Variants in CHRM3 observed in about 807,000 individuals in gnomAD.
The protein encoded by CHRM3 is cholinergic receptor muscarinic 3.
In CHRM3, 11 loss-of-function variants were observed where a neutral mutation model predicts 41.8. That is an observed-to-expected ratio of 0.26 (90% CI 0.17 to 0.44). The LOEUF (loss-of-function observed/expected upper bound fraction) is 0.44, where lower values mean the gene tolerates loss of function less well. Among genes scored for constraint, CHRM3 ranks in the 20% least tolerant of loss-of-function variants. CHRM3 has a pLI of 1.00. For missense variants in CHRM3, 571 were observed against 745.4 expected, an observed-to-expected ratio of 0.77 and a Z score of 2.72; for synonymous variants, 297 against 301.4, an observed-to-expected ratio of 0.99 and a Z score of 0.15.
At chr1:239,839,568 G>A (rs1244476411) in intron 6 of CHRM3, among the ~76,000 whole-genome samples, 2 of 152,160 alleles carry the variant, frequency 1.3e-5, no homozygotes, top group Non-Finnish European at 2.9e-5. Context: ...AGAGTGATTG[G>A]GTCAGAGACA....
rs1490688387 is a variant in CHRM3, at chr1:239,913,919, C to T, written c.*4695C>T. 6.0e-6 allele frequency: 1 copy of T among 166,934 alleles called. No homozygotes were observed. The highest frequency in any genetic ancestry group is 1.5e-5 in the Non-Finnish European group (1 of 68,094). 10.3% of individuals were successfully genotyped at this position (166,934 alleles called of 1,614,324 possible). Reference sequence around the variant, plus strand: ...AGGCCTATGTTTGTTCTGGTAGAACCACAGAGACTCACACAAAGTTCTGAC... The same window carrying T: ...AGGCCTATGTTTGTTCTGGTAGAACTACAGAGACTCACACAAAGTTCTGAC... On this transcript the variant is annotated 3_prime_UTR_variant, in exon 7 of 7. Coordinates refer to ENST00000676153, the MANE Select transcript of CHRM3 (RefSeq NM_001375978.1).
chr1:239,740,624 C>G (rs972363551), intron 5 of CHRM3, among the ~76,000 whole-genome samples: 1 of 152,220 alleles, frequency 6.6e-6, no homozygotes, highest in South Asian at 2.1e-4. Context: ...CCCCTTGCCC[C>G]TCACCCCCTG....
At chr1:239,863,838 G>A (rs533009738) in intron 6 of CHRM3, among the ~76,000 whole-genome samples, 1 of 152,122 alleles carries the variant, frequency 6.6e-6, no homozygotes, top group South Asian at 2.1e-4. Flanking sequence ...CAAACTCTTT[G>A]GTTTTTAAAA....
intron 2 of CHRM3, among the ~76,000 whole-genome samples, chr1:239,533,084 C>G (rs1558296869): frequency 6.6e-6 from 1 of 151,132 alleles, no homozygotes; most frequent in African/African-American, 2.4e-5. Context: ...AAGTTTTTGT[C>G]TTTTTTTTTA....
chr1:239,778,304 T>C lies in CHRM3; in HGVS notation c.-146-48948T>C, dbSNP rs1668256188. On this transcript the variant is annotated intron_variant, in intron 5 of 6. Coordinates refer to ENST00000676153, the MANE Select transcript of CHRM3 (RefSeq NM_001375978.1). Reference sequence around the variant, plus strand: ...TTGGAGTTCTTTCTATTTTCAACCATTTCCAACTATTGAGGTAATAAGTGA... The same window carrying C: ...TTGGAGTTCTTTCTATTTTCAACCACTTCCAACTATTGAGGTAATAAGTGA... Among the ~76,000 whole-genome samples, 3 of 152,172 alleles carry C rather than the reference T, an allele frequency of 2.0e-5. No individual in the cohort carries two copies. In the South Asian group the frequency reaches 6.2e-4, roughly 32 times the overall value.
chr1:239,391,221 G>A (rs547753794), intron 1 of CHRM3, among the ~76,000 whole-genome samples: 8 of 152,276 alleles, frequency 5.3e-5, no homozygotes, highest in African/African-American at 1.7e-4. Flanking sequence ...TGTGATAACT[G>A]TGTGACCTCA....
In CHRM3 at chr1:239,404,462, GAAAGAA is replaced by G. The variant is rs1182418289; in HGVS notation, c.-521+17243_-521+17248del. 7.1e-3 allele frequency among the ~76,000 whole-genome samples: 925 copies of G among 129,422 alleles called. 48 individuals carry two copies. The highest frequency in any genetic ancestry group is 0.014 in the South Asian group (53 of 3,816). The allele number at this position is 129,422 out of a possible 152,430, so 84.9% of individuals were successfully genotyped here. A position where few individuals can be genotyped will look rare whatever the true frequency, so the allele number is the denominator to read the frequency against. Reference sequence around the variant, plus strand: ...AGAAAGAAAGAAAGAAAGAAAGAAAGAAAGAAAAAGAAAGAAAGAAAGGAACATTTA... The same window carrying G: ...AGAAAGAAAGAAAGAAAGAAAGAAAGAAAGAAAGAAAGAAAGGAACATTTA... On this transcript the variant is annotated intron_variant, in intron 1 of 6. Coordinates refer to ENST00000676153, the MANE Select transcript of CHRM3 (RefSeq NM_001375978.1).
At chr1:239,613,715 T>A (rs1275929017) in intron 3 of CHRM3, among the ~76,000 whole-genome samples, 15 of 152,212 alleles carry the variant, frequency 9.9e-5, no homozygotes, top group Non-Finnish European at 1.6e-4. Context: ...TCCCTCTGCA[T>A]GTGTGTGTTT....
chr1:239,526,280 C>T (rs560944179), intron 2 of CHRM3, among the ~76,000 whole-genome samples: 1 of 152,228 alleles, frequency 6.6e-6, no homozygotes, highest in East Asian at 1.9e-4. Context: ...CTGATAAGTA[C>T]CTCATCTCCT....
At chr1:239,463,354 G>C (rs10802769) in intron 1 of CHRM3, among the ~76,000 whole-genome samples, 32,528 of 151,890 alleles carry the variant, frequency 0.21, 4,130 homozygotes, top group Middle Eastern at 0.35. Context: ...TGACAATATT[G>C]CATCCTCATT....
At chr1:239,453,078 G>A (rs1006048000) in intron 1 of CHRM3, among the ~76,000 whole-genome samples, 2 of 152,204 alleles carry the variant, frequency 1.3e-5, no homozygotes, top group Non-Finnish European at 1.5e-5. Flanking sequence ...GGGATTACAG[G>A]CGCGAGCCAC....
At chr1:239,425,214 A>G (rs1421182465) in intron 1 of CHRM3, among the ~76,000 whole-genome samples, 3 of 152,220 alleles carry the variant, frequency 2.0e-5, no homozygotes, top group African/African-American at 7.2e-5. Context: ...CTGTTGGGCC[A>G]CATAGATCAA....
At chr1:239,782,120 A>G (rs1277820083) in intron 5 of CHRM3, among the ~76,000 whole-genome samples, 1 of 152,072 alleles carries the variant, frequency 6.6e-6, no homozygotes, top group Non-Finnish European at 1.5e-5. Flanking sequence ...GGATAATGTT[A>G]GCCTCATAGA....
chr1:239,406,354 G>A (rs904277069), intron 1 of CHRM3, among the ~76,000 whole-genome samples: 25 of 152,244 alleles, frequency 1.6e-4, no homozygotes, highest in African/African-American at 6.0e-4. Flanking sequence ...TCAAATATGC[G>A]AGAAACAAAC....
chr1:239,714,982 A>G (rs1662191276), intron 5 of CHRM3, among the ~76,000 whole-genome samples: 1 of 152,136 alleles, frequency 6.6e-6, no homozygotes, highest in Non-Finnish European at 1.5e-5. Context: ...TAGACAAATG[A>G]AAAGAACCCA....
rs111855483 is a variant in CHRM3, at chr1:239,549,878, G to A, written c.-313+4129G>A. 4.0e-4 allele frequency among the ~76,000 whole-genome samples: 61 copies of A among 151,894 alleles called. No individual in the cohort carries two copies. In the South Asian group the frequency reaches 9.6e-3, roughly 24 times the overall value. On this transcript the variant is annotated intron_variant, in intron 3 of 6. Coordinates refer to ENST00000676153, the MANE Select transcript of CHRM3 (RefSeq NM_001375978.1). ...ATAGATGAAATCTTTACTACAGTGC[G>A]ATTCTGAGAATAGCCCCTAACTTTA...
At chr1:239,856,281 T>C (rs1675111093) in intron 6 of CHRM3, among the ~76,000 whole-genome samples, 1 of 152,182 alleles carries the variant, frequency 6.6e-6, no homozygotes, top group Non-Finnish European at 1.5e-5. Flanking sequence ...TGTTGAATTG[T>C]GATCCTGAGT....
At chr1:239,388,108 T>A (rs1658692472) in intron 1 of CHRM3, among the ~76,000 whole-genome samples, 1 of 152,102 alleles carries the variant, frequency 6.6e-6, no homozygotes, top group East Asian at 1.9e-4. Flanking sequence ...CATTTGGAAG[T>A]GGTAGAGGCA....
At chr1:239,795,562 T>A (rs1490046907) in intron 5 of CHRM3, among the ~76,000 whole-genome samples, 1 of 152,188 alleles carries the variant, frequency 6.6e-6, no homozygotes, top group African/African-American at 2.4e-5. Context: ...TCCAAATACA[T>A]GTCCGTTAAA....
Sources: allele counts gnomAD v4.1 joint callset (sites outside exome capture counted in the v4.1 genomes callset), GRCh38; gene constraint gnomAD v4.1.1; transcripts MANE v1.5; gene names NCBI Gene and HGNC (gene_info 2026-07-23, HGNC 2026-07-21).